Variants in CEP57L1 observed in about 807,000 individuals in gnomAD.
The protein encoded by CEP57L1 is centrosomal protein CEP57L1.
A neutral mutation model predicts 61.0 loss-of-function variants in CEP57L1; 37 were observed. That is an observed-to-expected ratio of 0.61 (90% CI 0.47 to 0.80). CEP57L1 has a LOEUF of 0.80. Ranked by LOEUF, CEP57L1 falls within the 30% of genes least tolerant of loss-of-function variation. The pLI is 0.00. For missense variants in CEP57L1, 422 were observed against 524.7 expected (o/e 0.80, Z 1.91); for synonymous variants, 137 against 162.3 (o/e 0.84, Z 1.19).
Position 109,102,431 on chromosome 6 carries a change from A to T in CEP57L1, c.-4+6856A>T, listed in dbSNP as rs143206726. ...CCTATATCAGACCTGCATTTTGTAA[A>T]TATTTTCTCCAAGTCTGTGGCTTGT... On this transcript the variant is annotated intron_variant, in intron 1 of 10. Coordinates refer to ENST00000517392, the MANE Select transcript of CEP57L1 (RefSeq NM_001271852.3). Among the ~76,000 whole-genome samples, 15 of 152,284 alleles carry T rather than the reference A, an allele frequency of 9.9e-5. 1 individual carries two copies. The East Asian group carries it at 2.9e-3, about 29-fold the overall frequency.
At chr6:109,098,689 T>G (rs1583327273) in intron 1 of CEP57L1, among the ~76,000 whole-genome samples, 2 of 152,120 alleles carry the variant, frequency 1.3e-5, no homozygotes. Context: ...CTCACTGTGT[T>G]GCCCAGGCTG....
chr6:109,108,976 C>T (rs1291895858), intron 1 of CEP57L1, among the ~76,000 whole-genome samples: 9 of 152,122 alleles, frequency 5.9e-5, no homozygotes, highest in African/African-American at 1.4e-4. Flanking sequence ...TGCTAGAATT[C>T]GTAACTTGTT....
At chr6:109,106,319 C>A (rs78644484) in intron 1 of CEP57L1, among the ~76,000 whole-genome samples, 1 of 152,228 alleles carries the variant, frequency 6.6e-6, no homozygotes, top group African/African-American at 2.4e-5. Context: ...ATATTTCCTA[C>A]AGATAACAAT....
intron 1 of CEP57L1, among the ~76,000 whole-genome samples, chr6:109,135,605 A>G (rs1016354970): frequency 2.6e-5 from 4 of 152,352 alleles, no homozygotes; most frequent in African/African-American, 7.2e-5. Context: ...AGCAAAAGAA[A>G]CTACCATCAG....
At chr6:109,124,635 T>C (rs568241312) in intron 1 of CEP57L1, among the ~76,000 whole-genome samples, 2 of 152,324 alleles carry the variant, frequency 1.3e-5, no homozygotes, top group South Asian at 2.1e-4. Context: ...ATGTGAGATA[T>C]CATTATTTTT....
chr6:109,150,080 C>T (rs764261484), intron 3 of CEP57L1, 38 bp from the exon 4 acceptor site: 5 of 1,314,840 alleles, frequency 3.8e-6, no homozygotes, highest in South Asian at 1.2e-5. Flanking sequence ...GACAATTTGA[C>T]TTCCTCTTTT....
intron 1 of CEP57L1, among the ~76,000 whole-genome samples, chr6:109,103,259 C>T (rs1472222851): frequency 6.6e-6 from 1 of 152,042 alleles, no homozygotes; most frequent in African/African-American, 2.4e-5. Context: ...AGCAGTTTTG[C>T]CTCTAAATGC....
Position 109,115,580 on chromosome 6 carries a change from G to A in CEP57L1, c.-4+20005G>A, listed in dbSNP as rs1046692782. ...TTTAATTTTGGCTTAAATAAATAAC[G>A]TTAAGAAAATAAATCTGTTATTTTT... On this transcript the variant is annotated intron_variant, in intron 1 of 10. Transcript: ENST00000517392. Among the ~76,000 whole-genome samples, 10 of 151,858 alleles carry A rather than the reference G, an allele frequency of 6.6e-5. No individual in the cohort carries two copies. The East Asian group carries it at 7.7e-4, about 12-fold the overall frequency.
At chr6:109,162,708 T>C in intron 10 of CEP57L1, 41 bp from the exon 11 acceptor site, 1 of 1,265,380 alleles carries the variant, frequency 7.9e-7, no homozygotes, top group Non-Finnish European at 1.1e-6. Context: ...ATATTTTTAG[T>C]ATATTTTTGA....
chr6:109,151,517 C>T (rs1355607484), intron 4 of CEP57L1, among the ~76,000 whole-genome samples: 1 of 152,060 alleles, frequency 6.6e-6, no homozygotes, highest in Admixed American at 6.6e-5. Context: ...TTTATTTCTG[C>T]ATTTGTCATA....
At position 109,167,128 on chromosome 6, in the gene CEP57L1, C is replaced by T. The variant is rs1184638745; in HGVS notation, c.*4158C>T. 6.6e-6 allele frequency among the ~76,000 whole-genome samples: 1 copy of T among 152,194 alleles called. No homozygotes were observed. The highest frequency in any genetic ancestry group is 1.5e-5 in the Non-Finnish European group (1 of 68,038). ...ATTTACTTCTTGGTAATTAAATAGA[C>T]CTTCTCAATGCCTCAGCCTTTTTCT... On this transcript the variant is annotated 3_prime_UTR_variant, in exon 11 of 11. Transcript: ENST00000517392.
intron 1 of CEP57L1, among the ~76,000 whole-genome samples, chr6:109,116,464 C>G (rs911963897): frequency 6.6e-6 from 1 of 152,246 alleles, no homozygotes; most frequent in East Asian, 1.9e-4. Flanking sequence ...GAGTGAGCCA[C>G]GGCGCCCAGC....
rs1356371776 is a variant in CEP57L1, at chr6:109,149,277, G to A, written c.341-841G>A. Among the ~76,000 whole-genome samples, 544 of 152,120 alleles carry A rather than the reference G, an allele frequency of 3.6e-3. 3 individuals are homozygous for A. The highest frequency in any genetic ancestry group is 6.7e-3 in the Admixed American group (102 of 15,258). On this transcript the variant is annotated intron_variant, in intron 3 of 10. Transcript: ENST00000517392. Reference sequence around the variant, plus strand: ...GGTCTAACGTTTAAGTCTTTAATCCGTCTTGAATTAATTTTTGTATAAGGT... The same window carrying A: ...GGTCTAACGTTTAAGTCTTTAATCCATCTTGAATTAATTTTTGTATAAGGT...
At chr6:109,110,759 C>T (rs1291954886) in intron 1 of CEP57L1, among the ~76,000 whole-genome samples, 1 of 152,122 alleles carries the variant, frequency 6.6e-6, no homozygotes, top group Non-Finnish European at 1.5e-5. Context: ...GCCAGTTTTC[C>T]CAGCACCATT....
At chr6:109,158,600 G>C (rs916678575) in intron 7 of CEP57L1, 10 of 456,782 alleles carry the variant, frequency 2.2e-5, no homozygotes, top group African/African-American at 1.4e-4. Context: ...ATTTTTCTAG[G>C]ATAAATGCGT....
At chr6:109,147,023 CAG>C in intron 3 of CEP57L1, 86 bp downstream of exon 3, 1 of 1,032,740 alleles carries the variant, frequency 9.7e-7, no homozygotes, top group Non-Finnish European at 1.4e-6. Context: ...CCGATGTACT[CAG>C]ATATCTTTAT....
chr6:109,098,101 T>C (rs1394756332), intron 1 of CEP57L1, among the ~76,000 whole-genome samples: 1 of 152,208 alleles, frequency 6.6e-6, no homozygotes, highest in Non-Finnish European at 1.5e-5. Context: ...GGGCATGATC[T>C]GACTTTTAAA....
intron 9 of CEP57L1, 36 bp downstream of exon 9, chr6:109,159,498 A>G: frequency 1.3e-6 from 2 of 1,584,458 alleles, no homozygotes; most frequent in South Asian, 1.1e-5. Flanking sequence ...TTCAAGAGAC[A>G]GTGTCTCGCT....
rs551545905 is a variant in CEP57L1, at chr6:109,166,284, G to C, written c.*3314G>C. On this transcript the variant is annotated 3_prime_UTR_variant, in exon 11 of 11. Transcript: ENST00000517392. ...TGAAAATTATTTTTGAGCTTTTTTG[G>C]TAGCTTTCTTACTTTATTCCTTTTT... is the stretch of plus-strand genomic sequence containing the variant. Among the ~76,000 whole-genome samples the C allele has an allele frequency of 6.6e-6, 1 of 151,876 alleles. No homozygotes were observed. Among genetic ancestry groups the C allele is most frequent in the East Asian group, 1.9e-4 (1 of 5,188 alleles).
Sources: allele counts gnomAD v4.1 joint callset (sites outside exome capture counted in the v4.1 genomes callset), GRCh38; gene constraint gnomAD v4.1.1; transcripts MANE v1.5; gene names NCBI Gene and HGNC (gene_info 2026-07-23, HGNC 2026-07-21).